The following NTRK1 variants were observed in gnomAD, a reference collection of about 807,000 sequenced individuals.
NTRK1 encodes the protein high affinity nerve growth factor receptor.
NTRK1 carries 62 observed loss-of-function variants against 86.8 expected under a neutral mutation model. That is an observed-to-expected ratio of 0.71 (90% CI 0.58 to 0.88). The LOEUF is 0.88. NTRK1 is among the 40% of genes least tolerant of loss of function. NTRK1 has a pLI of 0.00. For synonymous variants in NTRK1, 469 were observed against 456.6 expected (o/e 1.03, Z -0.35); for missense variants, 967 against 1,078.4 (o/e 0.90, Z 1.45).
Position 156,873,906 on chromosome 1 carries a change from T to A in NTRK1, c.1124T>A (p.Met375Lys). 1 of 1,570,740 alleles carries A rather than the reference T, an allele frequency of 6.4e-7. No individual in the cohort carries two copies. Among genetic ancestry groups the A allele is most frequent in the Non-Finnish European group, 8.6e-7 (1 of 1,157,090 alleles). The part of the protein sequence containing the change: ...NPFGQASASI[M>K]AAFMDNPFEF... ...TTCGGCCAGGCCTCCGCCTCCATCA[T>A]GGCTGCCTTCATGGACAACCCTTTC... The change falls in exon 8 of 17, where the codon ATG becomes AAG. Residue 375 changes from methionine (M) to lysine (K), a missense_variant. Around this residue, in one of 2 missense-constraint regions of NTRK1, gnomAD observed 637 missense variants for 776.5 expected, o/e 0.82. Coordinates refer to ENST00000524377, the MANE Select transcript of NTRK1 (RefSeq NM_002529.4).
chr1:156,817,121 C>T (rs1445076078), intron 1 of NTRK1, among the ~76,000 whole-genome samples: 1 of 139,122 alleles, frequency 7.2e-6, no homozygotes, highest in East Asian at 2.3e-4. Flanking sequence ...ATCTCCCACT[C>T]TGCCTCTTGG....
intron 16 of NTRK1, 45 bp from the exon 17 acceptor site, chr1:156,881,412 C>T: frequency 6.5e-7 from 1 of 1,543,866 alleles, no homozygotes; most frequent in Non-Finnish European, 8.8e-7. Flanking sequence ...ACTCTCTTGC[C>T]CCCAGCCTAG....
At chr1:156,860,037 A>G (rs1393211125), upstream of NTRK1, among the ~76,000 whole-genome samples, 3 of 152,218 alleles carry the variant, frequency 2.0e-5, no homozygotes, top group Non-Finnish European at 4.4e-5. Flanking sequence ...AGCTAAGAGA[A>G]GATCTATTAA....
chr1:156,831,101 G>A (rs563839668), intron 1 of NTRK1, among the ~76,000 whole-genome samples: 6 of 152,318 alleles, frequency 3.9e-5, no homozygotes, highest in African/African-American at 7.2e-5. Flanking sequence ...AGGGGCTTAC[G>A]TCCTAGAGAG....
intron 7 of NTRK1, among the ~76,000 whole-genome samples, chr1:156,872,461 G>A (rs1045154460): frequency 1.3e-5 from 2 of 151,926 alleles, no homozygotes; most frequent in Non-Finnish European, 2.9e-5. Flanking sequence ...ATCATACTGC[G>A]TGTATTATTT....
At chr1:156,878,289 G>A (rs1419824597) in intron 14 of NTRK1, among the ~76,000 whole-genome samples, 2 of 152,084 alleles carry the variant, frequency 1.3e-5, no homozygotes, top group Non-Finnish European at 2.9e-5. Context: ...AGCTCCCTTC[G>A]AATGGCTTCA....
rs774664479 is a variant in NTRK1 at position 156,876,417 on chromosome 1, C to G, written c.1650C>G (p.Ser550=). The change falls in exon 14 of 17, where the codon TCC becomes TCG. Residue 550 remains serine (S), a synonymous_variant. Transcript: ENST00000524377. ...LVAVKALKEA[S]ESARQDFQRE... is the part of the protein sequence containing the mutation. The stretch of plus-strand genomic sequence containing the variant: ...CCATCCAGGCACTGAAGGAGGCGTC[C>G]GAGAGTGCTCGGCAGGACTTCCAGC... 2.5e-6 allele frequency: 4 copies of G among 1,613,826 alleles called. No individual in the cohort carries two copies. Among genetic ancestry groups the G allele is most frequent in the Non-Finnish European group, 3.4e-6 (4 of 1,180,032 alleles).
chr1:156,852,123 C>A, intron 2 of NTRK1: 2 of 1,613,444 alleles, frequency 1.2e-6, no homozygotes, highest in Non-Finnish European at 1.7e-6. Flanking sequence ...TGGCTGCAGC[C>A]CCCCAGGCAT....
intron 2 of NTRK1, chr1:156,851,253 T>C: frequency 6.2e-7 from 1 of 1,611,010 alleles, no homozygotes; most frequent in Non-Finnish European, 8.5e-7. Flanking sequence ...GAGGAAGGAG[T>C]GTAATAGAAG....
At chr1:156,871,534 T>G in intron 6 of NTRK1, 89 bp from the exon 7 acceptor site, 2 of 1,419,770 alleles carry the variant, frequency 1.4e-6, no homozygotes, top group Non-Finnish European at 2.0e-6. Flanking sequence ...CCTTTCCATC[T>G]GGAGCCAGAG....
upstream of NTRK1, among the ~76,000 whole-genome samples, chr1:156,860,555 C>A (rs939949993): frequency 6.6e-6 from 1 of 152,236 alleles, no homozygotes; most frequent in Non-Finnish European, 1.5e-5. Context: ...AGTCATCTTC[C>A]CTCCTCCCCA....
rs1367501868 is a variant in NTRK1, at chr1:156,867,035, C to G, written c.428+57C>G. The G allele has an allele frequency of 4.5e-6, 7 of 1,569,810 alleles. No homozygotes were observed. The South Asian group carries it at 6.7e-5, about 15-fold the overall frequency. ...CCAAGTGTGTGTGTGCCTGTGTGCA[C>G]TTGGGTCTGTTGGATGACATTGGGT... is the stretch of plus-strand genomic sequence containing the variant. On this transcript the variant is annotated intron_variant, in intron 4 of 16. Transcript: ENST00000524377.
At chr1:156,849,304 C>G (rs770870603) in intron 2 of NTRK1, 43 of 1,613,830 alleles carry the variant, frequency 2.7e-5, no homozygotes, top group Non-Finnish European at 3.6e-5. Context: ...GCCGACCTCG[C>G]GTGCCTGTCA....
intron 1 of NTRK1, among the ~76,000 whole-genome samples, chr1:156,833,074 A>G (rs1241864355): frequency 6.6e-6 from 1 of 152,242 alleles, no homozygotes; most frequent in Non-Finnish European, 1.5e-5. Flanking sequence ...CTCTTGGCCC[A>G]GAGTGGTACA....
chr1:156,874,242 G>A (rs1647754402), intron 8 of NTRK1, 141 bp from the exon 9 acceptor site: 4 of 1,304,592 alleles, frequency 3.1e-6, no homozygotes, highest in Non-Finnish European at 4.4e-6. Flanking sequence ...TCTTCCTTGA[G>A]GCCCAGCAGC....
chr1:156,857,471 A>C (rs369413333), upstream of NTRK1, among the ~76,000 whole-genome samples: 1 of 152,144 alleles, frequency 6.6e-6, no homozygotes, highest in African/African-American at 2.4e-5. Flanking sequence ...CACTGGGAAC[A>C]GAACATCTGG....
chr1:156,816,284 A>G (rs1653924142), intron 1 of NTRK1: 1 of 481,190 alleles, frequency 2.1e-6, no homozygotes, highest in Admixed American at 6.4e-5. Flanking sequence ...TGGGGGGCTA[A>G]TGCTGCCAGA....
At chr1:156,846,534 G>C in intron 2 of NTRK1, 1 of 1,613,920 alleles carries the variant, frequency 6.2e-7, no homozygotes, top group Non-Finnish European at 8.5e-7. Context: ...GGCAGCGTTC[G>C]GAGGTAGACG....
chr1:156,839,911 G>A (rs957755207), intron 1 of NTRK1, among the ~76,000 whole-genome samples: 5 of 152,056 alleles, frequency 3.3e-5, no homozygotes, highest in African/African-American at 1.2e-4. Flanking sequence ...TGGCTGCTCG[G>A]GTCCTCATGG....
Sources: gnomAD v4.1 joint callset for allele counts (sites outside exome capture counted in the v4.1 genomes callset) on GRCh38, gnomAD v4.1.1 for gene constraint, gnomAD v4.1.1 regional missense constraint, MANE v1.5 for transcripts, NCBI Gene and HGNC (gene_info 2026-07-23, HGNC 2026-07-21) for gene names.